PARD3B: variants seen among roughly 807,000 people sequenced by gnomAD.
PARD3B encodes partitioning defective 3 homolog B.
Under a neutral mutation model 130.2 loss-of-function variants are expected in PARD3B, and 103 were observed. That is an observed-to-expected ratio of 0.79 (90% CI 0.67 to 0.93). The LOEUF (loss-of-function observed/expected upper bound fraction) is 0.93, where lower values mean the gene tolerates loss of function less well. PARD3B is among the 40% of genes least tolerant of loss of function. The probability of loss-of-function intolerance (pLI) is 0.00; values close to 1 mark genes in which losing one functional copy is unlikely to be tolerated. For synonymous variants in PARD3B, 583 were observed against 553.2 expected, an observed-to-expected ratio of 1.05 and a Z score of -0.76; for missense variants, 1,609 against 1,499.2, an observed-to-expected ratio of 1.07 and a Z score of -1.21.
At chr2:205,006,171 C>G (rs1019507331) in intron 3 of PARD3B, among the ~76,000 whole-genome samples, 1 of 152,162 alleles carries the variant, frequency 6.6e-6, no homozygotes. Context: ...GAGTAGTATT[C>G]CACGGTGTAT....
rs2034432026 is a variant in PARD3B at position 205,160,269 on chromosome 2, G to A, written c.1620+1362G>A. ...TCTCATAGCTCTGTGTGGGGGAGCT[G>A]GGGTTTGGGTAGGATTCTGATTCAG... On this transcript the variant is annotated intron_variant, in intron 11 of 22. Coordinates refer to ENST00000406610, the MANE Select transcript of PARD3B (RefSeq NM_001302769.2). The surrounding 1 kb of genome is among the most constrained non-coding windows in gnomAD (Gnocchi z 4.0). Among the ~76,000 whole-genome samples, 1 of 152,212 alleles carries A rather than the reference G, an allele frequency of 6.6e-6. No individual in the cohort carries two copies. The highest frequency in any genetic ancestry group is 2.4e-5 in the African/African-American group (1 of 41,456).
intron 10 of PARD3B, among the ~76,000 whole-genome samples, chr2:205,152,071 G>T (rs966902585): frequency 2.0e-5 from 3 of 152,174 alleles, no homozygotes; most frequent in African/African-American, 7.2e-5. Context: ...TTTTCTTTAA[G>T]AATGTTGAAT....
At chr2:205,284,756 C>T (rs769808220) in intron 16 of PARD3B, among the ~76,000 whole-genome samples, 1 of 151,974 alleles carries the variant, frequency 6.6e-6, no homozygotes, top group Admixed American at 6.6e-5. Context: ...ACATGCCATG[C>T]AGGATGCTGA....
chr2:205,336,946 C>T (rs1283817232), intron 18 of PARD3B, among the ~76,000 whole-genome samples: 2 of 144,342 alleles, frequency 1.4e-5, no homozygotes, highest in South Asian at 4.5e-4. Flanking sequence ...AGTGGAACAT[C>T]TTTATTTCTT....
In PARD3B at chr2:205,004,507, T is replaced by G. The variant is rs1014930355; in HGVS notation, c.394+39184T>G. On this transcript the variant is annotated intron_variant, in intron 3 of 22. Transcript: ENST00000406610. ...CGTTCTTGCAATAATGCTATTGCAC[T>G]GGGCTTTGTAATGAAGCTTTGATTT... Among the ~76,000 whole-genome samples, 3 of 152,240 alleles carry G rather than the reference T, an allele frequency of 2.0e-5. No individual in the cohort carries two copies. In the East Asian group the frequency reaches 5.8e-4, roughly 29 times the overall value.
chr2:204,767,019 T>G (rs544695215), intron 2 of PARD3B, among the ~76,000 whole-genome samples: 23 of 143,630 alleles, frequency 1.6e-4, no homozygotes, highest in Non-Finnish European at 3.0e-4. Flanking sequence ...TTTATTATAC[T>G]CTAAGTTTTA....
At chr2:205,272,257 A>G (rs1418484975) in intron 16 of PARD3B, among the ~76,000 whole-genome samples, 1 of 152,056 alleles carries the variant, frequency 6.6e-6, no homozygotes, top group Non-Finnish European at 1.5e-5. Flanking sequence ...TGATTTTTCA[A>G]GGTAAATATG....
rs2044021966 is a variant in PARD3B, at chr2:205,352,255, A to G, written c.2631-48758A>G. The stretch of plus-strand genomic sequence containing the variant: ...TATTTAAACCATGTGTGAAGGAGGG[A>G]AAAAAAACATAGTAGAGCTTTTCTT... On this transcript the variant is annotated intron_variant, in intron 18 of 22. Coordinates refer to ENST00000406610, the MANE Select transcript of PARD3B (RefSeq NM_001302769.2). The surrounding 1 kb of genome is among the most constrained non-coding windows in gnomAD (Gnocchi z 5.2). 6.6e-6 allele frequency among the ~76,000 whole-genome samples: 1 copy of G among 151,976 alleles called. No individual in the cohort carries two copies. Among genetic ancestry groups the G allele is most frequent in the Admixed American group, 6.6e-5 (1 of 15,252 alleles).
At chr2:204,950,712 C>T (rs1393561861) in intron 2 of PARD3B, among the ~76,000 whole-genome samples, 1 of 152,174 alleles carries the variant, frequency 6.6e-6, no homozygotes, top group Non-Finnish European at 1.5e-5. Flanking sequence ...AAACTGTCTT[C>T]TAAGGTAGTA....
chr2:205,520,176 C>A (rs763518214), intron 21 of PARD3B, among the ~76,000 whole-genome samples: 1 of 152,140 alleles, frequency 6.6e-6, no homozygotes, highest in Admixed American at 6.5e-5. Flanking sequence ...TGTCCCGAAG[C>A]CTCTGCTCCA....
intron 2 of PARD3B, among the ~76,000 whole-genome samples, chr2:204,721,955 A>C (rs1450707777): frequency 6.6e-6 from 1 of 152,132 alleles, no homozygotes; most frequent in Non-Finnish European, 1.5e-5. Context: ...TGTAAACTGT[A>C]AGAAACTCTA....
intron 19 of PARD3B, among the ~76,000 whole-genome samples, chr2:205,415,576 A>C (rs1437405537): frequency 2.0e-5 from 3 of 152,198 alleles, no homozygotes; most frequent in Non-Finnish European, 4.4e-5. Context: ...AATTCATCCC[A>C]TTGAATGAAA....
chr2:205,264,442 A>C (rs1359397532), intron 16 of PARD3B, among the ~76,000 whole-genome samples: 1 of 151,164 alleles, frequency 6.6e-6, no homozygotes, highest in Non-Finnish European at 1.5e-5. Context: ...TAGCAGCTGC[A>C]TGGAAATGCA....
chr2:205,557,105 G>GAATC (rs1575352686), intron 22 of PARD3B, among the ~76,000 whole-genome samples: 1 of 152,270 alleles, frequency 6.6e-6, no homozygotes, highest in East Asian at 1.9e-4. Flanking sequence ...TCCGGACTTA[G>GAATC]AATCAAGTGT....
intron 18 of PARD3B, among the ~76,000 whole-genome samples, chr2:205,310,719 CTTTT>C (rs34032930): frequency 2.4e-5 from 2 of 82,608 alleles, no homozygotes; most frequent in African/African-American, 1.1e-4. Flanking sequence ...TTCTTTCTTT[CTTTT>C]TTTTTTTTTT....
At chr2:205,479,301 A>G (rs115002083) in intron 20 of PARD3B, among the ~76,000 whole-genome samples, 2,652 of 151,902 alleles carry the variant, frequency 0.017, 94 homozygotes, top group African/African-American at 0.059. Flanking sequence ...TCTTATTATC[A>G]CCTCCCACAA....
At chr2:205,220,678 G>A (rs1276360155) in intron 15 of PARD3B, among the ~76,000 whole-genome samples, 1 of 152,230 alleles carries the variant, frequency 6.6e-6, no homozygotes. Flanking sequence ...AGAAGATAAT[G>A]ATGGACAGTC....
intron 2 of PARD3B, among the ~76,000 whole-genome samples, chr2:204,811,127 G>A (rs1031981413): frequency 6.6e-6 from 1 of 151,994 alleles, no homozygotes; most frequent in African/African-American, 2.4e-5. Flanking sequence ...TCTGATAGCT[G>A]TTTTTATTTT....
intron 20 of PARD3B, among the ~76,000 whole-genome samples, chr2:205,452,928 T>C (rs1316413398): frequency 6.6e-6 from 1 of 152,208 alleles, no homozygotes; most frequent in Non-Finnish European, 1.5e-5. Context: ...CCCTGATTTA[T>C]TAAAGCTGTC....
Sources: allele counts gnomAD v4.1 joint callset (sites outside exome capture counted in the v4.1 genomes callset), GRCh38; gene constraint gnomAD v4.1.1; non-coding constraint Gnocchi (gnomAD v3.1); transcripts MANE v1.5; gene names NCBI Gene and HGNC (gene_info 2026-07-23, HGNC 2026-07-21).